The following IGF2R variants were observed in gnomAD, a reference collection of about 807,000 sequenced individuals.
IGF2R encodes the protein cation-independent mannose-6-phosphate receptor.
In IGF2R, 91 loss-of-function variants were observed where a neutral mutation model predicts 270.6. The ratio of observed to expected loss-of-function variants is 0.34; its 90% CI spans 0.28 to 0.40. IGF2R has a LOEUF of 0.40. Ranked by LOEUF, IGF2R falls within the 10% of genes least tolerant of loss-of-function variation. The probability of loss-of-function intolerance (pLI) is 1.00; values close to 1 mark genes in which losing one functional copy is unlikely to be tolerated. For missense variants in IGF2R, 2,805 were observed against 3,188.3 expected, an observed-to-expected ratio of 0.88 and a Z score of 2.90; for synonymous variants, 1,316 against 1,258.9, an observed-to-expected ratio of 1.05 and a Z score of -0.96.
chr6:160,042,413 G>A (rs527281075), intron 11 of IGF2R, among the ~76,000 whole-genome samples: 1 of 152,298 alleles, frequency 6.6e-6, no homozygotes, highest in Non-Finnish European at 1.5e-5. Flanking sequence ...AAATGAGAAC[G>A]TGTATTTTTA....
At chr6:160,098,667 A>G (rs982288200) in intron 45 of IGF2R, among the ~76,000 whole-genome samples, 1 of 152,146 alleles carries the variant, frequency 6.6e-6, no homozygotes, top group Non-Finnish European at 1.5e-5. Context: ...AAAAATACAA[A>G]AATTAGCCAG....
At position 160,064,525 on chromosome 6, in the gene IGF2R, C is replaced by G; in HGVS notation, c.4011C>G (p.Thr1337=). 4 of 1,614,074 alleles carry G rather than the reference C, an allele frequency of 2.5e-6. No individual in the cohort carries two copies. The highest frequency in any genetic ancestry group is 3.4e-6 in the Non-Finnish European group (4 of 1,179,964). ...TAIFFYCDRG[T]QRPVFLKETS... Reference sequence around the variant, plus strand: ...TCTTCTTCTACTGTGACCGCGGCACCCAGCGGGTGAGCATGTACCGACGGC... The same window carrying G: ...TCTTCTTCTACTGTGACCGCGGCACGCAGCGGGTGAGCATGTACCGACGGC... The change falls in exon 28 of 48, where the codon ACC becomes ACG. Residue 1337 remains threonine (T), a synonymous_variant. Coordinates refer to ENST00000356956, the MANE Select transcript of IGF2R (RefSeq NM_000876.4).
intron 43 of IGF2R, among the ~76,000 whole-genome samples, chr6:160,089,627 G>C (rs984819935): frequency 6.6e-6 from 1 of 152,234 alleles, no homozygotes; most frequent in African/African-American, 2.4e-5. Context: ...TGGTGGCCGA[G>C]GTGCACAGAC....
chr6:160,065,836 A>ATATATATATATATGTATATATG (rs1423747636), intron 29 of IGF2R, among the ~76,000 whole-genome samples: 2 of 117,030 alleles, frequency 1.7e-5, no homozygotes, highest in African/African-American at 7.3e-5. Context: ...ATATATATAT[A>ATATATATATATATGTATATATG]TATATATATG....
chr6:160,025,122 G>A (rs1777531287), intron 5 of IGF2R, among the ~76,000 whole-genome samples: 1 of 152,180 alleles, frequency 6.6e-6, no homozygotes, highest in East Asian at 1.9e-4. Context: ...AAGCTGACTT[G>A]TTCCTTTCTC....
At chr6:160,089,373 C>G (rs1583301685) in intron 43 of IGF2R, 120 bp downstream of exon 43, 2 of 837,486 alleles carry the variant, frequency 2.4e-6, no homozygotes, top group East Asian at 5.7e-5. Context: ...GTTACTGTTG[C>G]TGGAGTCATC....
rs201799984 is a variant in IGF2R at position 160,102,544 on chromosome 6, G to A, written c.6868G>A (p.Gly2290Arg). 1.2e-5 allele frequency: 20 copies of A among 1,612,634 alleles called. No individual in the cohort carries two copies. Among genetic ancestry groups the A allele is most frequent in the Middle Eastern group, 1.9e-4 (1 of 5,166 alleles). ...GGTGGGCTTTGACAGCGAGAATCCC[G>A]GGGACGACGGGCAGATGCACAAGGG... ...LGVGFDSENPGDDGQMHKGLS... is the reference protein window; with the variant it reads ...LGVGFDSENPRDDGQMHKGLS... Residue 2290 changes from glycine to arginine, a missense_variant, in exon 46 of 48, where the codon GGG becomes AGG. Around this residue, in one of 2 missense-constraint regions of IGF2R, gnomAD observed 1,851 missense variants for 2,207.2 expected, o/e 0.84. Transcript: ENST00000356956. This position sits in a 1 kb window ranked among gnomAD's most constrained non-coding sequence, Gnocchi z 4.5.
chr6:160,111,454 T>G lies in IGF2R; in HGVS notation c.*6370T>G, dbSNP rs1326627308. 2 of 152,256 alleles carry G rather than the reference T, an allele frequency of 1.3e-5. No individual in the cohort carries two copies. Among genetic ancestry groups the G allele is most frequent in the East Asian group, 3.8e-4 (2 of 5,202 alleles). The allele number at this position is 152,256 out of a possible 1,614,324, so 9.4% of individuals were successfully genotyped here. A position where few individuals can be genotyped will look rare whatever the true frequency, so the allele number is the denominator to read the frequency against. On this transcript the variant is annotated 3_prime_UTR_variant, in exon 48 of 48. Coordinates refer to ENST00000356956, the MANE Select transcript of IGF2R (RefSeq NM_000876.4). ...CTCCTCATGATTTTCTTAAAACTTT[T>G]TCTGTATTTTATTGTAAGAATACAG...
rs761463472 is a variant in IGF2R at position 160,009,111 on chromosome 6, G to A, written c.391G>A (p.Ala131Thr). ...AAATCACAGAGTCCAGAGCAGCATT[G>A]CCTTCCTGTGTGGGAAAACCCTGGT... is the stretch of plus-strand genomic sequence containing the variant. ...GTNHRVQSSI[A>T]FLCGKTLGTP... is the part of the protein sequence containing the mutation. The change falls in exon 3 of 48, where the codon GCC (alanine) becomes ACC (threonine). Residue 131 changes from alanine (A) to threonine (T), a missense_variant. By Grantham distance (58) the Ala-to-Thr change is moderately conservative. Around this residue, in one of 2 missense-constraint regions of IGF2R, gnomAD observed 954 missense variants for 981.1 expected, o/e 0.97. Transcript: ENST00000356956. 3.1e-6 allele frequency: 5 copies of A among 1,613,698 alleles called. No individual in the cohort carries two copies. Among genetic ancestry groups the A allele is most frequent in the Non-Finnish European group, 2.5e-6 (3 of 1,179,872 alleles).
At chr6:160,000,462 C>G (rs1035410625) in intron 2 of IGF2R, among the ~76,000 whole-genome samples, 1 of 152,134 alleles carries the variant, frequency 6.6e-6, no homozygotes, top group African/African-American at 2.4e-5. Context: ...AGTTACCTCC[C>G]ACCAGGCCCC....
At chr6:160,065,808 G>GTATATATATATA (rs1469370137) in intron 29 of IGF2R, among the ~76,000 whole-genome samples, 25 of 55,098 alleles carry the variant, frequency 4.5e-4, no homozygotes, top group Non-Finnish European at 7.3e-4. Flanking sequence ...GTGTGTGTGT[G>GTATATATATATA]TGTGTGTATA....
chr6:160,050,375 T>G lies in IGF2R; in HGVS notation c.2515-98T>G. 8.3e-7 allele frequency: 1 copy of G among 1,208,278 alleles called. No homozygotes were observed. Among genetic ancestry groups the G allele is most frequent in the Non-Finnish European group, 1.2e-6 (1 of 849,130 alleles). The allele number at this position is 1,208,278 out of a possible 1,614,324, so 74.8% of individuals were successfully genotyped here. ...GAGCAGTGGTTCTGTATTCAATAAT[T>G]CATTGTTTGCTGCAGCTTTATAGAA... On this transcript the variant is annotated intron_variant, in intron 18 of 47. Transcript: ENST00000356956. The surrounding 1 kb of genome is among the most constrained non-coding windows in gnomAD (Gnocchi z 4.0).
At chr6:159,994,396 C>A (rs1037766017) in intron 2 of IGF2R, among the ~76,000 whole-genome samples, 7 of 151,966 alleles carry the variant, frequency 4.6e-5, no homozygotes, top group African/African-American at 1.7e-4. Context: ...TTTCAAAGAA[C>A]CAACTTTGTT....
chr6:159,989,700 G>A (rs1027363784), intron 1 of IGF2R, among the ~76,000 whole-genome samples: 6 of 152,220 alleles, frequency 3.9e-5, no homozygotes, highest in African/African-American at 1.2e-4. Context: ...CCAAAGTGCT[G>A]GGATACAGGC....
chr6:159,997,481 C>T (rs529138558), intron 2 of IGF2R, among the ~76,000 whole-genome samples: 35 of 152,258 alleles, frequency 2.3e-4, no homozygotes, highest in Non-Finnish European at 3.8e-4. Context: ...AGGAAGTCCC[C>T]AAATTGCTGC....
At chr6:160,098,992 C>T (rs560239558) in intron 45 of IGF2R, among the ~76,000 whole-genome samples, 3 of 152,310 alleles carry the variant, frequency 2.0e-5, no homozygotes, top group South Asian at 2.1e-4. Flanking sequence ...AGCTGTCTTA[C>T]ACCTTCCTCC....
Position 160,029,621 on chromosome 6 carries a change from C to T in IGF2R, c.848C>T (p.Thr283Ile). The stretch of plus-strand genomic sequence containing the variant: ...TGTGATGGTCACAGCCCTGCGGTGA[C>T]TATTACATTTGTTTGCCCGTCGGAG... ...DFCDGHSPAV[T>I]ITFVCPSERR... is the part of the protein sequence containing the mutation. The change falls in exon 7 of 48, where the codon ACT becomes ATT. Residue 283 changes from threonine to isoleucine, a missense_variant. Transcript: ENST00000356956. 1 of 1,614,014 alleles carries T rather than the reference C, an allele frequency of 6.2e-7. No homozygotes were observed. The highest frequency in any genetic ancestry group is 8.5e-7 in the Non-Finnish European group (1 of 1,179,846).
chr6:160,009,911 A>G (rs1784306654), intron 3 of IGF2R, among the ~76,000 whole-genome samples: 1 of 152,214 alleles, frequency 6.6e-6, no homozygotes, highest in African/African-American at 2.4e-5. Context: ...TCTTATCTGA[A>G]GAACTTTGAA....
intron 45 of IGF2R, among the ~76,000 whole-genome samples, chr6:160,100,631 G>GCGT (rs1057442126): frequency 2.0e-5 from 3 of 151,464 alleles, no homozygotes; most frequent in Non-Finnish European, 4.4e-5. Flanking sequence ...ACTGTTCCCT[G>GCGT]CGTTGGGAGA....
Sources: gnomAD v4.1 joint callset for allele counts (sites outside exome capture counted in the v4.1 genomes callset) on GRCh38, gnomAD v4.1.1 for gene constraint, gnomAD v4.1.1 regional missense constraint, Gnocchi (gnomAD v3.1) non-coding constraint, MANE v1.5 for transcripts, NCBI Gene and HGNC (gene_info 2026-07-23, HGNC 2026-07-21) for gene names.